GSTCD: variants seen among roughly 807,000 people sequenced by gnomAD.
GSTCD encodes glutathione S-transferase C-terminal domain containing, also known as glutathione S-transferase C-terminal domain-containing protein.
A neutral mutation model predicts 68.3 loss-of-function variants in GSTCD; 44 were observed. The ratio of observed to expected loss-of-function variants is 0.64; its 90% confidence interval spans 0.51 to 0.83. GSTCD has a LOEUF of 0.83. Among genes scored for constraint, GSTCD ranks in the 40% least tolerant of loss-of-function variants. GSTCD has a pLI of 0.00. For missense variants in GSTCD, 739 were observed against 735.9 expected (o/e 1.00, Z -0.05); for synonymous variants, 273 against 255.2 (o/e 1.07, Z -0.67).
chr4:105,719,081 T>C lies in GSTCD; in HGVS notation c.448T>C (p.Cys150Arg), dbSNP rs1278290040. ...CAEVSQWTRL[C>R]ELTIPLAIEN... ...GTAGGTTAGTCAGTGGACCAGGCTA[T>C]GTGAACTCACCATCCCTTTGGCTAT... The change falls in exon 3 of 12, where the codon TGT becomes CGT. Residue 150 changes from cysteine (C) to arginine (R), a missense_variant. Cys to Arg is a radical substitution (Grantham distance 180). Transcript: ENST00000515279. 1 of 1,613,702 alleles carries C rather than the reference T, an allele frequency of 6.2e-7. No homozygotes were observed. The highest frequency in any genetic ancestry group is 1.1e-5 in the South Asian group (1 of 91,058).
intron 5 of GSTCD, among the ~76,000 whole-genome samples, chr4:105,797,760 C>CTTTTTTTTTTTTTTTTT (rs70941218): frequency 8.2e-5 from 7 of 84,954 alleles, no homozygotes; most frequent in African/African-American, 3.3e-4. Flanking sequence ...CACAATAGAA[C>CTTTTTTTTTTTTTTTTT]TTTTTTTTTT....
At chr4:105,836,322 G>A (rs1036630708) in intron 9 of GSTCD, among the ~76,000 whole-genome samples, 3 of 152,178 alleles carry the variant, frequency 2.0e-5, no homozygotes, top group African/African-American at 7.2e-5. Context: ...CATGCGATTG[G>A]TCCATGGGTG....
chr4:105,829,015 C>T (rs184415640), intron 8 of GSTCD, among the ~76,000 whole-genome samples: 1 of 152,004 alleles, frequency 6.6e-6, no homozygotes, highest in East Asian at 1.9e-4. Flanking sequence ...AGAATAAGAA[C>T]TAAATGAGAA....
In GSTCD at chr4:105,738,562, C is replaced by T. The variant is rs117371530; in HGVS notation, c.1240+9063C>T. Among the ~76,000 whole-genome samples, 760 of 152,174 alleles carry T rather than the reference C, an allele frequency of 5.0e-3. 17 individuals carry two copies. The highest frequency in any genetic ancestry group is 0.05 in the East Asian group (257 of 5,178). ...GTGTGTCCTCTTCAATTTCTTTTAT[C>T]AGTGTTTTATAGTTTTTCTCTAAAA... On this transcript the variant is annotated intron_variant, in intron 5 of 11. Transcript: ENST00000515279.
intron 5 of GSTCD, among the ~76,000 whole-genome samples, chr4:105,811,003 A>G (rs1473921391): frequency 6.6e-6 from 1 of 151,666 alleles, no homozygotes; most frequent in African/African-American, 2.4e-5. Flanking sequence ...GCAAAGAGGT[A>G]AATAAAGCAA....
chr4:105,822,524 A>G (rs924551238), intron 5 of GSTCD, among the ~76,000 whole-genome samples: 2 of 152,142 alleles, frequency 1.3e-5, no homozygotes, highest in African/African-American at 4.8e-5. Flanking sequence ...ATGTGTTGAA[A>G]TTAGGTACTC....
At chr4:105,799,891 T>G (rs1736040914) in intron 5 of GSTCD, among the ~76,000 whole-genome samples, 1 of 152,070 alleles carries the variant, frequency 6.6e-6, no homozygotes, top group Admixed American at 6.5e-5. Flanking sequence ...TATATCTGCT[T>G]GTTCTTACTT....
At chr4:105,833,658 C>T (rs983216639) in intron 8 of GSTCD, among the ~76,000 whole-genome samples, 4 of 151,842 alleles carry the variant, frequency 2.6e-5, no homozygotes, top group Non-Finnish European at 5.9e-5. Flanking sequence ...TTTTAGAATC[C>T]CCACATCTGA....
intron 10 of GSTCD, among the ~76,000 whole-genome samples, chr4:105,841,044 G>A (rs1046186973): frequency 3.3e-5 from 5 of 152,066 alleles, no homozygotes; most frequent in East Asian, 1.9e-4. Context: ...GGCCAGGCAC[G>A]GTACCTCATG....
chr4:105,816,353 G>A (rs1722984925), intron 5 of GSTCD, among the ~76,000 whole-genome samples: 1 of 152,038 alleles, frequency 6.6e-6, no homozygotes, highest in South Asian at 2.1e-4. Context: ...ACCTCTCCAT[G>A]TCACTTTTCA....
At chr4:105,771,803 T>C (rs1234370929) in intron 5 of GSTCD, among the ~76,000 whole-genome samples, 1 of 152,212 alleles carries the variant, frequency 6.6e-6, no homozygotes, top group Non-Finnish European at 1.5e-5. Flanking sequence ...TCAGGTAGCA[T>C]GATGCCTCCA....
At chr4:105,763,803 C>G (rs949275656) in intron 5 of GSTCD, among the ~76,000 whole-genome samples, 2 of 152,072 alleles carry the variant, frequency 1.3e-5, no homozygotes, top group African/African-American at 2.4e-5. Context: ...TCTCATCAAA[C>G]CATTCCAAGG....
chr4:105,717,889 A>C lies in GSTCD; in HGVS notation c.276A>C (p.Ala92=), dbSNP rs1732732180. 7 of 1,614,050 alleles carry C rather than the reference A, an allele frequency of 4.3e-6. No individual in the cohort carries two copies. Among genetic ancestry groups the C allele is most frequent in the African/African-American group, 1.3e-5 (1 of 74,944 alleles). The change falls in exon 2 of 12, where the codon GCA becomes GCC. Residue 92 remains alanine (A), a synonymous_variant. Coordinates refer to ENST00000515279, the MANE Select transcript of GSTCD (RefSeq NM_001370181.1). ...TAGTCCAAAATTGCTGTTTGCCTGC[A>C]GTAGTAGAACGATCAGACAATTTTT... ...PPIVQNCCLP[A]VVERSDNFCR...
chr4:105,829,553 G>A (rs1723811610), intron 8 of GSTCD, among the ~76,000 whole-genome samples: 2 of 152,176 alleles, frequency 1.3e-5, no homozygotes, highest in Admixed American at 1.3e-4. Flanking sequence ...AGGCAAGAGT[G>A]TGTGCAGGGA....
chr4:105,831,279 G>A (rs1025919531), intron 8 of GSTCD, among the ~76,000 whole-genome samples: 2 of 152,100 alleles, frequency 1.3e-5, no homozygotes, highest in East Asian at 3.9e-4. Flanking sequence ...ATTGGGCTGG[G>A]GCAAGTTTAG....
chr4:105,822,951 C>T lies in GSTCD; in HGVS notation c.1241-3C>T. 1.2e-6 allele frequency: 2 copies of T among 1,600,632 alleles called. No individual in the cohort carries two copies. The highest frequency in any genetic ancestry group is 1.7e-6 in the Non-Finnish European group (2 of 1,170,052). On this transcript the variant is annotated splice_polypyrimidine_tract_variant and splice_region_variant and intron_variant, in intron 5 of 11. Transcript: ENST00000515279. Reference sequence around the variant, plus strand: ...TGTGTTCTTCATTTCTTGTCTTTCTCAGGTAAAATGTCCAGTGATCGAGCT... The same window carrying T: ...TGTGTTCTTCATTTCTTGTCTTTCTTAGGTAAAATGTCCAGTGATCGAGCT...
chr4:105,736,567 T>A (rs1237867152), intron 5 of GSTCD, among the ~76,000 whole-genome samples: 1 of 152,038 alleles, frequency 6.6e-6, no homozygotes, highest in Non-Finnish European at 1.5e-5. Context: ...GTAATTAGCA[T>A]ATTCATCATC....
intron 3 of GSTCD, among the ~76,000 whole-genome samples, chr4:105,725,847 C>T (rs1174295553): frequency 2.6e-5 from 4 of 151,982 alleles, no homozygotes; most frequent in African/African-American, 9.7e-5. Context: ...CTACTATATA[C>T]CCACAAGAAT....
intron 5 of GSTCD, among the ~76,000 whole-genome samples, chr4:105,749,363 G>A (rs1481257487): frequency 2.0e-5 from 3 of 151,890 alleles, no homozygotes; most frequent in Non-Finnish European, 4.4e-5. Flanking sequence ...TTTTGTAGCT[G>A]TAGACAAGCT....
Sources: allele counts gnomAD v4.1 joint callset (sites outside exome capture counted in the v4.1 genomes callset), GRCh38; gene constraint gnomAD v4.1.1; transcripts MANE v1.5; gene names NCBI Gene and HGNC (gene_info 2026-07-23, HGNC 2026-07-21).